SHQ1: variants seen among roughly 807,000 people sequenced by gnomAD.
SHQ1 encodes SHQ1, H/ACA ribonucleoprotein assembly factor.
A neutral mutation model predicts 53.8 loss-of-function variants in SHQ1; 49 were observed. That is an observed-to-expected ratio of 0.91 (90% CI 0.72 to 1.16). The LOEUF (loss-of-function observed/expected upper bound fraction) is 1.16. SHQ1 is among the 50% of genes most tolerant of loss of function. The pLI, the probability that SHQ1 is intolerant of heterozygous loss-of-function variation, is 0.00. For synonymous variants in SHQ1, 243 were observed against 251.0 expected (o/e 0.97, Z 0.30); for missense variants, 738 against 683.1 (o/e 1.08, Z -0.90).
chr3:72,827,823 C>T (rs1043751519), intron 5 of SHQ1, among the ~76,000 whole-genome samples: 9 of 145,028 alleles, frequency 6.2e-5, no homozygotes, highest in East Asian at 2.0e-4. Context: ...GGCGCAATCT[C>T]GGCTCACTGC....
chr3:72,733,910 T>C, the SHQ1 span, among the ~76,000 whole-genome samples: 1 of 151,476 alleles, frequency 6.6e-6, no homozygotes, highest in Non-Finnish European at 1.5e-5. Context: ...TCTTCCTGGG[T>C]TGTAGTCAGG....
At chr3:72,751,824 T>C (rs562300261) in intron 10 of SHQ1, among the ~76,000 whole-genome samples, 1 of 152,158 alleles carries the variant, frequency 6.6e-6, no homozygotes, top group East Asian at 1.9e-4. Flanking sequence ...GGAGATTAAA[T>C]AGCTACAATC....
chr3:72,840,223 G>GCCTGGTCGA (rs758866097), intron 4 of SHQ1, among the ~76,000 whole-genome samples: 1 of 118,296 alleles, frequency 8.5e-6, no homozygotes, highest in African/African-American at 3.3e-5. Flanking sequence ...CTGCACTCCA[G>GCCTGGTCGA]CAAAGTGAGA....
intron 10 of SHQ1, among the ~76,000 whole-genome samples, chr3:72,788,482 C>T (rs973730151): frequency 1.3e-5 from 2 of 151,684 alleles, no homozygotes; most frequent in African/African-American, 4.9e-5. Context: ...GCCCGGCAGC[C>T]GCCGCGTCCG....
chr3:72,770,569 T>C (rs940165932), intron 10 of SHQ1, among the ~76,000 whole-genome samples: 1 of 151,988 alleles, frequency 6.6e-6, no homozygotes, highest in African/African-American at 2.4e-5. Context: ...AAACTAAGAA[T>C]GATAAGGAAA....
chr3:72,760,197 A>G (rs1705577871), intron 10 of SHQ1, among the ~76,000 whole-genome samples: 2 of 152,166 alleles, frequency 1.3e-5, no homozygotes, highest in African/African-American at 2.4e-5. Flanking sequence ...CTTGCAATTT[A>G]TTTGCACTGT....
intron 10 of SHQ1, among the ~76,000 whole-genome samples, chr3:72,763,046 CACACACACACACACACAGAG>C (rs1559661610): frequency 1.4e-5 from 2 of 141,052 alleles, no homozygotes; most frequent in South Asian, 2.1e-4. Flanking sequence ...CACACACACA[CACACACACACACACACAGAG>C]AGAGAGAGAG....
chr3:72,735,299 G>A, the SHQ1 span, among the ~76,000 whole-genome samples: 2 of 149,840 alleles, frequency 1.3e-5, no homozygotes, highest in African/African-American at 2.5e-5. Context: ...CGGTTCTTCC[G>A]CTGGCCTCTG....
chr3:72,848,199 T>A lies in SHQ1; in HGVS notation c.142A>T (p.Arg48Ter). Residue 48 changes from arginine (R) to a stop codon, truncating the protein, a stop_gained and splice_region_variant, in exon 1 of 11, where the codon AGA becomes TGA. Transcript: ENST00000325599. LOFTEE classifies it high-confidence loss of function. ...FKFYAKPYFL[R>*]LTLPGRIVEN... ...TGCGGCCAGGCACCCCGAACTCGCC[T>A]GAGAAAGTATGGCTTGGCGTAGAAC... 1 of 1,614,124 alleles carries A rather than the reference T, an allele frequency of 6.2e-7. No homozygotes were observed. Among genetic ancestry groups the A allele is most frequent in the Non-Finnish European group, 8.5e-7 (1 of 1,179,996 alleles).
intron 10 of SHQ1, among the ~76,000 whole-genome samples, chr3:72,751,520 A>G (rs1299743250): frequency 1.4e-5 from 2 of 139,064 alleles, no homozygotes; most frequent in African/African-American, 3.1e-5. Context: ...ATATATATAT[A>G]TATATATATA....
intron 10 of SHQ1, among the ~76,000 whole-genome samples, chr3:72,774,401 A>C (rs1705914449): frequency 6.6e-6 from 1 of 152,216 alleles, no homozygotes; most frequent in South Asian, 2.1e-4. Flanking sequence ...ACTTTTAAGA[A>C]TAAAACCAAA....
intron 4 of SHQ1, among the ~76,000 whole-genome samples, chr3:72,840,508 A>G (rs896642995): frequency 2.0e-5 from 3 of 151,148 alleles, no homozygotes; most frequent in South Asian, 4.2e-4. Context: ...ATCAGCCGAG[A>G]TCGTGCCACT....
chr3:72,845,327 T>C (rs2106979285), intron 1 of SHQ1, among the ~76,000 whole-genome samples: 1 of 151,918 alleles, frequency 6.6e-6, no homozygotes, highest in Middle Eastern at 3.4e-3. Flanking sequence ...CTACTAAAAA[T>C]ACAAAATTAG....
intron 1 of SHQ1, among the ~76,000 whole-genome samples, chr3:72,847,218 T>G (rs1708363703): frequency 6.6e-6 from 1 of 152,168 alleles, no homozygotes; most frequent in Non-Finnish European, 1.5e-5. Context: ...TTATATGGTC[T>G]AAGGGAAATC....
At chr3:72,727,274 T>A in the SHQ1 span, among the ~76,000 whole-genome samples, 1 of 152,084 alleles carries the variant, frequency 6.6e-6, no homozygotes, top group Non-Finnish European at 1.5e-5. Flanking sequence ...CAGTAAACCA[T>A]ACACAAACAT....
intron 1 of SHQ1, among the ~76,000 whole-genome samples, chr3:72,847,617 C>G (rs1027255343): frequency 2.0e-5 from 3 of 152,076 alleles, no homozygotes; most frequent in Non-Finnish European, 4.4e-5. Context: ...TTGGGGGAAA[C>G]AACCACACTT....
chr3:72,796,055 A>G (rs1241247588), intron 9 of SHQ1, among the ~76,000 whole-genome samples: 1 of 140,900 alleles, frequency 7.1e-6, no homozygotes, highest in African/African-American at 2.6e-5. Context: ...GTGAGCCAAG[A>G]TTGCGCCACT....
At chr3:72,776,061 T>C (rs1289465299) in intron 10 of SHQ1, among the ~76,000 whole-genome samples, 1 of 152,190 alleles carries the variant, frequency 6.6e-6, no homozygotes, top group Non-Finnish European at 1.5e-5. Context: ...ATGAAGAATA[T>C]AAAGACTGAA....
At chr3:72,846,564 C>G (rs1023519300) in intron 1 of SHQ1, among the ~76,000 whole-genome samples, 1 of 152,140 alleles carries the variant, frequency 6.6e-6, no homozygotes, top group Admixed American at 6.5e-5. Flanking sequence ...TCCCAAAGTG[C>G]TGGGATTACA....
Sources: gnomAD v4.1 joint callset for allele counts (sites outside exome capture counted in the v4.1 genomes callset) on GRCh38, gnomAD v4.1.1 for gene constraint, MANE v1.5 for transcripts, NCBI Gene and HGNC (gene_info 2026-07-23, HGNC 2026-07-21) for gene names.